ARHGEF3: variants seen among roughly 807,000 people sequenced by gnomAD.
ARHGEF3 encodes the protein 59.8 kDA protein.
Under a neutral mutation model 63.2 loss-of-function variants are expected in ARHGEF3, and 28 were observed. That is an observed-to-expected ratio of 0.44 (90% CI 0.33 to 0.61). ARHGEF3 has a LOEUF of 0.61. Among genes scored for constraint, ARHGEF3 ranks in the 20% least tolerant of loss-of-function variants. The pLI is 0.03. For missense variants in ARHGEF3, 533 were observed against 659.3 expected, an observed-to-expected ratio of 0.81 and a Z score of 2.10; for synonymous variants, 266 against 254.2, an observed-to-expected ratio of 1.05 and a Z score of -0.44.
chr3:56,947,451 A>C (rs1359651253), intron 3 of ARHGEF3, among the ~76,000 whole-genome samples: 1 of 152,212 alleles, frequency 6.6e-6, no homozygotes, highest in Non-Finnish European at 1.5e-5. Flanking sequence ...AGCAAATGGA[A>C]AACAAAAAAA....
At chr3:56,996,821 T>C (rs574286053) in intron 2 of ARHGEF3, among the ~76,000 whole-genome samples, 156 of 151,722 alleles carry the variant, frequency 1.0e-3, no homozygotes, top group African/African-American at 3.7e-3. Context: ...GCGGGCCCAG[T>C]ACAGCTTTGA....
At chr3:56,863,788 T>C (rs953579798) in intron 4 of ARHGEF3, among the ~76,000 whole-genome samples, 20 of 152,136 alleles carry the variant, frequency 1.3e-4, no homozygotes, top group African/African-American at 4.6e-4. Context: ...CAAAACATCA[T>C]GAACCTAGGG....
intron 4 of ARHGEF3, among the ~76,000 whole-genome samples, chr3:56,820,966 C>T (rs923322758): frequency 2.0e-5 from 3 of 149,006 alleles, no homozygotes; most frequent in African/African-American, 7.5e-5. Flanking sequence ...CTAGCCTGGG[C>T]AGCATGGTGA....
intron 3 of ARHGEF3, among the ~76,000 whole-genome samples, chr3:56,895,192 G>A (rs533853788): frequency 1.3e-5 from 2 of 151,896 alleles, no homozygotes; most frequent in African/African-American, 4.8e-5. Context: ...CTTCTTTCCA[G>A]GCGCTGCATC....
intron 1 of ARHGEF3, among the ~76,000 whole-genome samples, chr3:57,070,359 T>C (rs1026706420): frequency 6.6e-6 from 1 of 150,384 alleles, no homozygotes; most frequent in Non-Finnish European, 1.5e-5. Flanking sequence ...CACTACAGTA[T>C]ACTGTGTTAC....
At chr3:56,831,401 C>T (rs1378173910) in intron 4 of ARHGEF3, among the ~76,000 whole-genome samples, 2 of 152,140 alleles carry the variant, frequency 1.3e-5, no homozygotes, top group Non-Finnish European at 2.9e-5. Context: ...AGTTAAGAGC[C>T]CTTGTTCTTA....
chr3:56,786,101 C>G (rs1415472596), intron 1 of ARHGEF3, among the ~76,000 whole-genome samples: 2 of 152,164 alleles, frequency 1.3e-5, no homozygotes, highest in Non-Finnish European at 2.9e-5. Flanking sequence ...CATGTCCACA[C>G]TTAGAACCAG....
chr3:56,800,320 C>T (rs2107963531), intron 1 of ARHGEF3, among the ~76,000 whole-genome samples: 1 of 152,264 alleles, frequency 6.6e-6, no homozygotes, highest in South Asian at 2.1e-4. Context: ...TTAGGAAGTT[C>T]CCACTGAAAA....
intron 3 of ARHGEF3, among the ~76,000 whole-genome samples, chr3:56,893,176 T>A (rs1447898925): frequency 6.6e-6 from 1 of 152,058 alleles, no homozygotes; most frequent in Admixed American, 6.5e-5. Context: ...TGGGATTTTT[T>A]ATTTTATTTT....
chr3:56,975,274 C>T (rs1375318677), intron 2 of ARHGEF3, among the ~76,000 whole-genome samples: 5 of 152,042 alleles, frequency 3.3e-5, no homozygotes, highest in South Asian at 2.1e-4. Context: ...AAAAATTAGC[C>T]GAGCGTGGTG....
At chr3:56,758,726 A>G (rs1274910144) in intron 2 of ARHGEF3, among the ~76,000 whole-genome samples, 2 of 152,194 alleles carry the variant, frequency 1.3e-5, no homozygotes, top group Non-Finnish European at 2.9e-5. Context: ...TCCCTTGTAA[A>G]CAGTAACCAG....
intron 2 of ARHGEF3, among the ~76,000 whole-genome samples, chr3:56,968,198 ATATATAAAAATATATATT>A (rs1700711314): frequency 6.4e-5 from 1 of 15,640 alleles, no homozygotes; most frequent in African/African-American, 1.5e-4. Flanking sequence ...ATTATATATA[ATATATAAAAATATATATT>A]ATATATAATA....
intron 1 of ARHGEF3, chr3:57,073,808 G>T: frequency 6.2e-7 from 1 of 1,614,196 alleles, no homozygotes; most frequent in Non-Finnish European, 8.5e-7. Context: ...GAGGCCTTGG[G>T]TCATCCACCC....
chr3:56,792,976 A>T (rs1282942539), intron 1 of ARHGEF3, among the ~76,000 whole-genome samples: 1 of 150,796 alleles, frequency 6.6e-6, no homozygotes, highest in African/African-American at 2.4e-5. Context: ...TTTTCCTGCA[A>T]CATTCACGGC....
At chr3:57,062,156 A>T (rs995846511) in intron 1 of ARHGEF3, among the ~76,000 whole-genome samples, 9 of 79,170 alleles carry the variant, frequency 1.1e-4, no homozygotes, top group African/African-American at 4.1e-4. Context: ...TTGTAGGAAG[A>T]TCCCTGGAGC....
chr3:57,000,723 G>C (rs935861376), intron 2 of ARHGEF3, among the ~76,000 whole-genome samples: 2 of 152,042 alleles, frequency 1.3e-5, no homozygotes, highest in African/African-American at 4.8e-5. Flanking sequence ...AGTAGAGATG[G>C]GGTTTCGCCA....
At chr3:56,804,601 A>C (rs891439938), upstream of ARHGEF3, among the ~76,000 whole-genome samples, 2 of 152,206 alleles carry the variant, frequency 1.3e-5, no homozygotes, top group Non-Finnish European at 2.9e-5. Context: ...GGAGGTTCCA[A>C]CTGAAATTGA....
intron 1 of ARHGEF3, among the ~76,000 whole-genome samples, chr3:56,777,719 G>C (rs1251990826): frequency 6.6e-6 from 1 of 152,108 alleles, no homozygotes; most frequent in Non-Finnish European, 1.5e-5. Context: ...AGGAATAGTA[G>C]GAATATCATC....
At chr3:56,949,699 T>C (rs945864293) in intron 3 of ARHGEF3, among the ~76,000 whole-genome samples, 8 of 152,014 alleles carry the variant, frequency 5.3e-5, no homozygotes, top group African/African-American at 1.7e-4. Context: ...AAAATGGCCA[T>C]ACTGCCCAAG....
Sources: allele counts gnomAD v4.1 joint callset (sites outside exome capture counted in the v4.1 genomes callset), GRCh38; gene constraint gnomAD v4.1.1; transcripts MANE v1.5; gene names NCBI Gene and HGNC (gene_info 2026-07-23, HGNC 2026-07-21).